Variants in SHPK observed in about 807,000 individuals in gnomAD.
The protein encoded by SHPK is sedoheptulokinase, also known as carbohydrate kinase-like protein.
SHPK carries 51 observed loss-of-function variants against 46.3 expected under a neutral mutation model. The observed-to-expected ratio is 1.10, with a 90% CI of 0.88 to 1.39. The LOEUF (loss-of-function observed/expected upper bound fraction) is 1.39, where lower values mean the gene tolerates loss of function less well. Ranked by LOEUF, SHPK falls within the 40% of genes most tolerant of loss-of-function variation. The pLI is 0.00. For synonymous variants in SHPK, 290 were observed against 273.9 expected, an observed-to-expected ratio of 1.06 and a Z score of -0.58; for missense variants, 668 against 641.3, an observed-to-expected ratio of 1.04 and a Z score of -0.45.
At position 3,636,032 on chromosome 17, in the gene SHPK, G is replaced by A. The variant is rs1567689646; in HGVS notation, c.168+20C>T. 1 of 1,526,406 alleles carries A rather than the reference G, an allele frequency of 6.6e-7. No individual in the cohort carries two copies. The highest frequency in any genetic ancestry group is 2.2e-5 in the Admixed American group (1 of 45,972). The allele number at this position is 1,526,406 out of a possible 1,614,324, so 94.6% of individuals were successfully genotyped here. Reference sequence around the variant, plus strand: ...TCAGGAGGCTCCTGGAGGCGGCGCGGCCCCGGGGGTCCAACTCACCTGGGG... The same window carrying A: ...TCAGGAGGCTCCTGGAGGCGGCGCGACCCCGGGGGTCCAACTCACCTGGGG... On this transcript the variant is annotated intron_variant, in intron 1 of 6. Transcript: ENST00000225519.
chr17:3,636,153 T>C lies in SHPK; in HGVS notation c.67A>G (p.Arg23Gly). ...CCGGATGGGTCGTCGGGCGCGGCCC[T>C]CAGCAGAGCTGCCTTCACAGATGTG... is the stretch of plus-strand genomic sequence containing the variant. Reference protein sequence around the residue: ...GTTSVKAALLRAAPDDPSGFA... With the variant: ...GTTSVKAALLGAAPDDPSGFA... Residue 23 changes from arginine (R) to glycine (G), a missense_variant, in exon 1 of 7, where the codon AGG (arginine) becomes GGG (glycine). Transcript: ENST00000225519. The C allele has an allele frequency of 1.2e-6, 2 of 1,612,038 alleles. No homozygotes were observed. The highest frequency in any genetic ancestry group is 1.7e-6 in the Non-Finnish European group (2 of 1,179,070).
chr17:3,632,047 C>T (rs1205208634), intron 1 of SHPK, among the ~76,000 whole-genome samples: 2 of 151,860 alleles, frequency 1.3e-5, no homozygotes, highest in African/African-American at 2.4e-5. Flanking sequence ...TCGTCTGCCT[C>T]CCAGGTTCAT....
At position 3,636,247 on chromosome 17, in the gene SHPK, C is replaced by T. The variant is rs781454620; in HGVS notation, c.-28G>A. 14 of 1,574,036 alleles carry T rather than the reference C, an allele frequency of 8.9e-6. No individual in the cohort carries two copies. The African/African-American group carries it at 1.2e-4, about 14-fold the overall frequency. On this transcript the variant is annotated 5_prime_UTR_variant, in exon 1 of 7. Transcript: ENST00000225519. ...TCTCCCTGACCCGCGCAGCTCCAGT[C>T]TGCAGCCAGCGGCCCCACAAGTCCG...
chr17:3,610,413 A>C lies in SHPK; in HGVS notation c.*147T>G. The C allele has an allele frequency of 8.8e-6, 7 of 797,876 alleles. No homozygotes were observed. Among genetic ancestry groups the C allele is most frequent in the Non-Finnish European group, 1.4e-5 (7 of 503,946 alleles). 49.4% of individuals were successfully genotyped at this position (797,876 alleles called of 1,614,324 possible). On this transcript the variant is annotated 3_prime_UTR_variant, in exon 7 of 7. Transcript: ENST00000225519. The stretch of plus-strand genomic sequence containing the variant: ...CATTATTAGAGTATGTTCTGAAGGT[A>C]AGTTCTTGGCCGAGATGGGACCTCA...
At chr17:3,624,802 C>T (rs146987472) in intron 2 of SHPK, among the ~76,000 whole-genome samples, 23 of 152,176 alleles carry the variant, frequency 1.5e-4, no homozygotes, top group African/African-American at 4.6e-4. Flanking sequence ...TACAGGCCCA[C>T]GCCACCACGC....
At position 3,636,035 on chromosome 17, in the gene SHPK, C is replaced by G; in HGVS notation, c.168+17G>C. The G allele has an allele frequency of 6.5e-7, 1 of 1,530,766 alleles. No homozygotes were observed. The highest frequency in any genetic ancestry group is 8.7e-7 in the Non-Finnish European group (1 of 1,143,754). 94.8% of individuals were successfully genotyped at this position (1,530,766 alleles called of 1,614,324 possible). A position where few individuals can be genotyped will look rare whatever the true frequency, so the allele number is the denominator to read the frequency against. On this transcript the variant is annotated intron_variant, in intron 1 of 6. Transcript: ENST00000225519. ...GGAGGCTCCTGGAGGCGGCGCGGCCCCGGGGGTCCAACTCACCTGGGGCCC... is the reference window on the plus strand; with the variant it reads ...GGAGGCTCCTGGAGGCGGCGCGGCCGCGGGGGTCCAACTCACCTGGGGCCC...
chr17:3,625,299 T>C (rs771733555), intron 2 of SHPK, among the ~76,000 whole-genome samples: 6 of 152,204 alleles, frequency 3.9e-5, no homozygotes, highest in Non-Finnish European at 8.8e-5. Context: ...TCCTTGAATA[T>C]AGAATCACCT....
chr17:3,627,150 T>C (rs2075443383), intron 2 of SHPK, among the ~76,000 whole-genome samples: 1 of 152,184 alleles, frequency 6.6e-6, no homozygotes, highest in South Asian at 2.1e-4. Flanking sequence ...TCTCTCTTAG[T>C]TACTGGTTCT....
chr17:3,621,592 C>T (rs902879638), intron 4 of SHPK, among the ~76,000 whole-genome samples, 180 bp from the exon 5 acceptor site: 3 of 137,556 alleles, frequency 2.2e-5, no homozygotes, highest in African/African-American at 8.1e-5. Context: ...TCCTCCTTCT[C>T]TCCATTCCTT....
At chr17:3,613,462 G>T (rs934019560) in intron 6 of SHPK, among the ~76,000 whole-genome samples, 1 of 152,030 alleles carries the variant, frequency 6.6e-6, no homozygotes, top group East Asian at 1.9e-4. Context: ...TCTGCATCTC[G>T]GGTTCAAGTG....
At chr17:3,624,658 T>A (rs1163667262) in intron 2 of SHPK, among the ~76,000 whole-genome samples, 1 of 152,090 alleles carries the variant, frequency 6.6e-6, no homozygotes, top group African/African-American at 2.4e-5. Context: ...TATTTTATTT[T>A]ATTTTAATTT....
Position 3,610,761 on chromosome 17 carries a change from G to T in SHPK, c.1236C>A (p.Ser412=). The T allele has an allele frequency of 1.9e-6, 3 of 1,614,120 alleles. No homozygotes were observed. The highest frequency in any genetic ancestry group is 2.5e-6 in the Non-Finnish European group (3 of 1,179,988). Reference sequence around the variant, plus strand: ...CCTGGAGCTGCTGAATCGGAAGCATGGAGTGCAGGTTCTGAACAATGCCTC... The same window carrying T: ...CCTGGAGCTGCTGAATCGGAAGCATTGAGTGCAGGTTCTGAACAATGCCTC... ...LCRGIVQNLH[S]MLPIQQLQEW... Residue 412 remains serine (S), a synonymous_variant, in exon 7 of 7, where the codon TCC becomes TCA. Transcript: ENST00000225519.
Position 3,630,357 on chromosome 17 carries a change from AAG to A in SHPK, c.169-13_169-12del. On this transcript the variant is annotated splice_polypyrimidine_tract_variant and intron_variant, in intron 1 of 6. Coordinates refer to ENST00000225519, the MANE Select transcript of SHPK (RefSeq NM_013276.4). ...ATCCTGCTCCCGCCCCTGGAAGCAA[AAG>A]AGAACACATGGGCAGGGGCAGACAC... The A allele has an allele frequency of 3.1e-6, 5 of 1,602,878 alleles. No individual in the cohort carries two copies. The highest frequency in any genetic ancestry group is 4.3e-6 in the Non-Finnish European group (5 of 1,173,490).
intron 5 of SHPK, 60 bp from the exon 6 acceptor site, chr17:3,615,597 C>G: frequency 6.7e-7 from 1 of 1,487,234 alleles, no homozygotes; most frequent in Non-Finnish European, 9.3e-7. Context: ...TCACAAGTCA[C>G]AGTTTGGCAG....
At chr17:3,624,756 C>T (rs1056240407) in intron 2 of SHPK, among the ~76,000 whole-genome samples, 6 of 152,056 alleles carry the variant, frequency 3.9e-5, no homozygotes, top group Non-Finnish European at 8.8e-5. Flanking sequence ...CAGGTTCAAG[C>T]GATTCTCCTG....
At position 3,630,226 on chromosome 17, in the gene SHPK, C is replaced by G; in HGVS notation, c.289G>C (p.Val97Leu). 1 of 1,613,890 alleles carries G rather than the reference C, an allele frequency of 6.2e-7. No homozygotes were observed. Among genetic ancestry groups the G allele is most frequent in the Non-Finnish European group, 8.5e-7 (1 of 1,179,984 alleles). The change falls in exon 2 of 7, where the codon GTG (valine) becomes CTG (leucine). Residue 97 changes from valine to leucine, a missense_variant. By Grantham distance (32) the Val-to-Leu change is conservative. Coordinates refer to ENST00000225519, the MANE Select transcript of SHPK (RefSeq NM_013276.4). Reference protein sequence around the residue: ...IGVSGQMHGVVFWKTGQGCEW... With the variant: ...IGVSGQMHGVLFWKTGQGCEW... ...ATACCTTGGCCTGTTTTCCAAAACA[C>G]GACTCCATGCATCTGGCCCGACACC... is the stretch of plus-strand genomic sequence containing the variant.
chr17:3,621,913 A>G (rs1299279359), intron 4 of SHPK, among the ~76,000 whole-genome samples: 2 of 150,780 alleles, frequency 1.3e-5, no homozygotes, highest in Non-Finnish European at 2.9e-5. Context: ...TCAGCCTCCC[A>G]AAGTGCTGGG....
chr17:3,619,732 C>CAAA, intron 5 of SHPK: 41 of 287,116 alleles, frequency 1.4e-4, no homozygotes, highest in South Asian at 2.1e-4. Flanking sequence ...GACTCCATCT[C>CAAA]AAAAAAAAAA....
intron 1 of SHPK, among the ~76,000 whole-genome samples, chr17:3,633,808 G>A (rs537521505): frequency 1.1e-3 from 162 of 152,202 alleles, no homozygotes; most frequent in African/African-American, 3.6e-3. Flanking sequence ...TGACAATGGC[G>A]GTTTTGTGGA....
Sources: allele counts gnomAD v4.1 joint callset (sites outside exome capture counted in the v4.1 genomes callset), GRCh38; gene constraint gnomAD v4.1.1; transcripts MANE v1.5; gene names NCBI Gene and HGNC (gene_info 2026-07-23, HGNC 2026-07-21).